Variants in MED23 observed in about 807,000 individuals in gnomAD.
MED23 encodes mediator complex subunit 23, also known as mediator of RNA polymerase II transcription subunit 23.
A neutral mutation model predicts 163.9 loss-of-function variants in MED23; 105 were observed. The ratio of observed to expected loss-of-function variants is 0.64; its 90% CI spans 0.55 to 0.75. The LOEUF (loss-of-function observed/expected upper bound fraction) is 0.75. Among genes scored for constraint, MED23 ranks in the 30% least tolerant of loss-of-function variants. The pLI is 0.00. For synonymous variants in MED23, 561 were observed against 565.6 expected (o/e 0.99, Z 0.12); for missense variants, 1,054 against 1,649.0 (o/e 0.64, Z 6.25).
intron 10 of MED23, among the ~76,000 whole-genome samples, chr6:131,611,841 A>C (rs1462640382): frequency 6.6e-6 from 1 of 152,166 alleles, no homozygotes; most frequent in East Asian, 1.9e-4. Flanking sequence ...GCTTTAGGAA[A>C]AAAGAGCAAA....
chr6:131,625,305 T>C (rs888252855), intron 3 of MED23, among the ~76,000 whole-genome samples: 6 of 152,230 alleles, frequency 3.9e-5, no homozygotes, highest in African/African-American at 1.2e-4. Context: ...TTGTAAGGCA[T>C]TGTAAACAGT....
intron 17 of MED23, among the ~76,000 whole-genome samples, chr6:131,600,384 A>G (rs555223279): frequency 1.4e-4 from 21 of 152,292 alleles, no homozygotes; most frequent in African/African-American, 3.8e-4. Flanking sequence ...AAGATGACAA[A>G]AGACATTTGA....
rs371322627 is a variant in MED23 at position 131,579,465 on chromosome 6, T to G, written c.4096-5170A>C. The G allele has an allele frequency of 6.9e-5, 41 of 592,966 alleles. No homozygotes were observed. In the African/African-American group the frequency reaches 7.1e-4, roughly 10 times the overall value. 36.7% of individuals were successfully genotyped at this position (592,966 alleles called of 1,614,324 possible). On this transcript the variant is annotated intron_variant, in intron 30 of 30. Coordinates refer to the MED23 transcript ENST00000354577. ...ATTATAGAAACAGACTTCGCTCAAT[T>G]TGAAGTCTTACAATATCTGTATTTT...
downstream of MED23, chr6:131,583,487 A>G: frequency 6.2e-7 from 1 of 1,614,106 alleles, no homozygotes; most frequent in South Asian, 1.1e-5. Context: ...AAATCTACAA[A>G]ACAGGTAGTT....
intron 10 of MED23, among the ~76,000 whole-genome samples, chr6:131,611,632 A>C (rs1050067139): frequency 3.3e-5 from 5 of 152,166 alleles, no homozygotes; most frequent in Non-Finnish European, 4.4e-5. Flanking sequence ...CCAACCACCA[A>C]CAACCTAAGA....
At chr6:131,585,346 G>GTGTT (rs1393670952), downstream of MED23, among the ~76,000 whole-genome samples, 1 of 152,168 alleles carries the variant, frequency 6.6e-6, no homozygotes, top group African/African-American at 2.4e-5. Flanking sequence ...GATTTCTCCT[G>GTGTT]TGTTTTTGTT....
Position 131,602,273 on chromosome 6 carries a change from A to G in MED23, c.2040T>C (p.Ser680=). Residue 680 remains serine, a synonymous_variant, in exon 17 of 29, where the codon TCT becomes TCC. Transcript: ENST00000368068. ...ATATCAAGGCTCGGTTCAGTTCTTC[A>G]GATTCTGCTGAGAGCACTGTTTTGG... ...SDPKTVLSAE[S]EELNRALILT... The G allele has an allele frequency of 6.2e-7, 1 of 1,613,990 alleles. No individual in the cohort carries two copies. The highest frequency in any genetic ancestry group is 1.3e-5 in the African/African-American group (1 of 75,046).
At chr6:131,623,491 T>C (rs914606286) in intron 4 of MED23, 29 bp from the exon 5 acceptor site, 1 of 1,587,538 alleles carries the variant, frequency 6.3e-7, no homozygotes, top group Non-Finnish European at 8.6e-7. Context: ...CCATTCCAGT[T>C]ACAAGACAGA....
rs1776174811 is a variant in MED23, at chr6:131,610,181, T to C, written c.942A>G (p.Arg314=). ...CGTCAAACTTCTCCTCGGTCTCAGA[T>C]CGCTCCATGGCATAAACAACCAGAT... ...LVDLVVYAME[R]SETEEKFDDG... The change falls in exon 11 of 29, where the codon CGA becomes CGG. Residue 314 remains arginine, a synonymous_variant. Transcript: ENST00000368068. 1.2e-6 allele frequency: 2 copies of C among 1,613,924 alleles called. No individual in the cohort carries two copies. Among genetic ancestry groups the C allele is most frequent in the Non-Finnish European group, 1.7e-6 (2 of 1,179,950 alleles).
At chr6:131,597,950 C>T (rs1031846505) in intron 20 of MED23, among the ~76,000 whole-genome samples, 4 of 151,960 alleles carry the variant, frequency 2.6e-5, no homozygotes, top group African/African-American at 7.3e-5. Context: ...AAAAAACTAG[C>T]TGGGTATGGT....
downstream of MED23, chr6:131,582,663 T>C: frequency 6.2e-7 from 1 of 1,613,954 alleles, no homozygotes; most frequent in Non-Finnish European, 8.5e-7. Flanking sequence ...TCCCTGTATA[T>C]CTGCCAAGGA....
chr6:131,576,575 C>CA, intron 30 of MED23: 1 of 1,273,518 alleles, frequency 7.9e-7, no homozygotes, highest in Non-Finnish European at 1.1e-6. Context: ...AGTTACAGTT[C>CA]AACTGATTAA....
chr6:131,612,330 T>C (rs948844073), intron 10 of MED23, among the ~76,000 whole-genome samples: 2 of 152,040 alleles, frequency 1.3e-5, no homozygotes, highest in African/African-American at 4.8e-5. Flanking sequence ...TCTGTGTTGC[T>C]ACTTCAGAAT....
intron 30 of MED23, among the ~76,000 whole-genome samples, chr6:131,577,901 C>T (rs1180654450): frequency 7.1e-6 from 1 of 141,602 alleles, no homozygotes; most frequent in Non-Finnish European, 1.5e-5. Context: ...GAGACTCCAT[C>T]TCCAAAAAAA....
At chr6:131,605,635 T>C in intron 13 of MED23, 150 bp from the exon 14 acceptor site, 1 of 752,108 alleles carries the variant, frequency 1.3e-6, no homozygotes, top group South Asian at 2.2e-5. Context: ...AAATGTACAG[T>C]GGGAATACAC....
At chr6:131,610,002 A>C in intron 11 of MED23, 44 bp downstream of exon 11, 1 of 1,562,814 alleles carries the variant, frequency 6.4e-7, no homozygotes, top group Non-Finnish European at 8.8e-7. Context: ...AAAATACAGT[A>C]ATCAACAGGT....
intron 26 of MED23, 57 bp downstream of exon 26, chr6:131,591,256 G>A: frequency 7.4e-7 from 1 of 1,353,552 alleles, no homozygotes; most frequent in Non-Finnish European, 1.0e-6. Context: ...GGGATTACAG[G>A]CATGAACCAC....
Position 131,627,450 on chromosome 6 carries a change from T to C in MED23, c.105A>G (p.Thr35=). The part of the protein sequence containing the change: ...MFMDTPEDEK[T]KLISCLGAFR... ...AGGCCCCCAAACAGCTAATTAGTTTTGTTTTCTCATCTTCAGGAGTATCCA... is the reference window on the plus strand; with the variant it reads ...AGGCCCCCAAACAGCTAATTAGTTTCGTTTTCTCATCTTCAGGAGTATCCA... Residue 35 remains threonine, a synonymous_variant, in exon 3 of 29, where the codon ACA becomes ACG. Coordinates refer to ENST00000368068, the MANE Select transcript of MED23 (RefSeq NM_004830.4). 1 of 1,613,856 alleles carries C rather than the reference T, an allele frequency of 6.2e-7. No individual in the cohort carries two copies.
intron 28 of MED23, among the ~76,000 whole-genome samples, chr6:131,588,860 A>G (rs1175261641): frequency 6.6e-6 from 1 of 152,180 alleles, no homozygotes; most frequent in East Asian, 1.9e-4. Context: ...GCCTCCCTTT[A>G]ACTTTACCAG....
Sources: gnomAD v4.1 joint callset for allele counts (sites outside exome capture counted in the v4.1 genomes callset) on GRCh38, gnomAD v4.1.1 for gene constraint, MANE v1.5 for transcripts, NCBI Gene and HGNC (gene_info 2026-07-23, HGNC 2026-07-21) for gene names.